Variants in NCAPD3 observed in about 807,000 individuals in gnomAD.
NCAPD3 encodes the protein non-SMC condensin II complex subunit D3.
NCAPD3 carries 105 observed loss-of-function variants against 182.9 expected under a neutral mutation model. The ratio of observed to expected loss-of-function variants is 0.57; its 90% CI spans 0.49 to 0.68. The LOEUF (loss-of-function observed/expected upper bound fraction) is 0.68, where lower values mean the gene tolerates loss of function less well. Ranked by LOEUF, NCAPD3 falls within the 30% of genes least tolerant of loss-of-function variation. NCAPD3 has a pLI of 0.00. For synonymous variants in NCAPD3, 815 were observed against 679.9 expected, an observed-to-expected ratio of 1.20 and a Z score of -3.09; for missense variants, 1,944 against 1,837.0, an observed-to-expected ratio of 1.06 and a Z score of -1.07.
chr11:134,161,197 T>C (rs1440235975), intron 28 of NCAPD3, among the ~76,000 whole-genome samples: 1 of 152,132 alleles, frequency 6.6e-6, no homozygotes, highest in Non-Finnish European at 1.5e-5. Flanking sequence ...AGAAAAACTA[T>C]GTTGCATTTA....
rs758113060 is a variant in NCAPD3 at position 134,181,116 on chromosome 11, G to C, written c.2520C>G (p.Leu840=). ...CCATATTCCCTGTTCCATTCTCCTT[G>C]AGAACGATGTTGGAGAGGCGGTGCT... ...TCEHRLSNIV[L]KENGTGNMDE... Residue 840 remains leucine (L), a synonymous_variant, in exon 20 of 35, where the codon CTC becomes CTG. Coordinates refer to ENST00000534548, the MANE Select transcript of NCAPD3 (RefSeq NM_015261.3). 1.9e-6 allele frequency: 3 copies of C among 1,614,116 alleles called. No individual in the cohort carries two copies. Among genetic ancestry groups the C allele is most frequent in the Admixed American group, 1.7e-5 (1 of 60,026 alleles).
At chr11:134,164,398 G>A (rs1187267826) in intron 27 of NCAPD3, among the ~76,000 whole-genome samples, 3 of 152,254 alleles carry the variant, frequency 2.0e-5, no homozygotes, top group South Asian at 2.1e-4. Flanking sequence ...AGGCTCATGA[G>A]AAATGCTGGA....
chr11:134,202,960 C>G (rs945226342), intron 12 of NCAPD3, 55 bp from the exon 13 acceptor site: 9 of 1,397,670 alleles, frequency 6.4e-6, no homozygotes, highest in Non-Finnish European at 8.0e-6. Flanking sequence ...CTTTTAATAA[C>G]ATTAGCAGGG....
At chr11:134,180,990 T>G (rs1368162049) in intron 20 of NCAPD3, 87 bp downstream of exon 20, 6 of 948,052 alleles carry the variant, frequency 6.3e-6, no homozygotes, top group Non-Finnish European at 9.9e-6. Context: ...TAAAAGCATT[T>G]AAAGCGTACA....
chr11:134,159,012 T>C (rs1241581458), intron 29 of NCAPD3, among the ~76,000 whole-genome samples: 1 of 152,244 alleles, frequency 6.6e-6, no homozygotes, highest in African/African-American at 2.4e-5. Flanking sequence ...TTTCACTTTT[T>C]ATAGATGAAA....
At chr11:134,172,251 G>C (rs2135966148) in intron 24 of NCAPD3, among the ~76,000 whole-genome samples, 1 of 152,290 alleles carries the variant, frequency 6.6e-6, no homozygotes, top group Non-Finnish European at 1.5e-5. Flanking sequence ...ATGCAGATGA[G>C]CTACTGAATG....
chr11:134,205,402 T>A (rs1472256135), intron 8 of NCAPD3, among the ~76,000 whole-genome samples: 1 of 150,796 alleles, frequency 6.6e-6, no homozygotes, highest in Non-Finnish European at 1.5e-5. Context: ...TTTTTGTAGA[T>A]GGAGTTTTGC....
chr11:134,168,195 G>A lies in NCAPD3; in HGVS notation c.3374C>T (p.Ala1125Val), dbSNP rs763601693. ...GGGTAGGATGCCATCAGCAAAGCAC[G>A]CTGAGAGACAGAGAGAGAGAAAAAC... ...ITSKICLSILACFADGILPLD... is the reference protein window; with the variant it reads ...ITSKICLSILVCFADGILPLD... The change falls in exon 27 of 35, where the codon GCG becomes GTG. Residue 1125 changes from alanine (A) to valine (V), a missense_variant and splice_region_variant. By Grantham distance (64) the Ala-to-Val change is moderately conservative. Around this residue, in one of 3 missense-constraint regions of NCAPD3, gnomAD observed 1,803 missense variants for 1,674.6 expected, o/e 1.08. Transcript: ENST00000534548. The A allele has an allele frequency of 2.2e-5, 36 of 1,613,166 alleles. No individual in the cohort carries two copies. The highest frequency in any genetic ancestry group is 1.1e-4 in the South Asian group (10 of 91,062).
At chr11:134,169,959 G>A (rs1292948308) in intron 24 of NCAPD3, among the ~76,000 whole-genome samples, 3 of 152,220 alleles carry the variant, frequency 2.0e-5, no homozygotes, top group Admixed American at 6.5e-5. Context: ...TGGGAGAGGA[G>A]CAGTGTCAAA....
At chr11:134,217,304 T>C (rs1938065129) in intron 2 of NCAPD3, among the ~76,000 whole-genome samples, 1 of 152,200 alleles carries the variant, frequency 6.6e-6, no homozygotes, top group Non-Finnish European at 1.5e-5. Flanking sequence ...AAGATAAATA[T>C]GTATATAACA....
At chr11:134,167,035 G>T (rs1198025707) in intron 27 of NCAPD3, among the ~76,000 whole-genome samples, 1 of 111,178 alleles carries the variant, frequency 9.0e-6, no homozygotes, top group Non-Finnish European at 1.8e-5. Context: ...GATGAGCTTG[G>T]GGGAGCTGCA....
Position 134,152,934 on chromosome 11 carries a change from G to A in NCAPD3, c.*10C>T, listed in dbSNP as rs893454963. Reference sequence around the variant, plus strand: ...CTCCTGCCTGCCTGGACACTGGTGGGAGGCGCTGTTTAGTTGGCTGTTTTC... The same window carrying A: ...CTCCTGCCTGCCTGGACACTGGTGGAAGGCGCTGTTTAGTTGGCTGTTTTC... On this transcript the variant is annotated 3_prime_UTR_variant, in exon 35 of 35. Transcript: ENST00000534548. 4 of 1,530,102 alleles carry A rather than the reference G, an allele frequency of 2.6e-6. No individual in the cohort carries two copies. Among genetic ancestry groups the A allele is most frequent in the African/African-American group, 1.4e-5 (1 of 72,176 alleles). The allele number at this position is 1,530,102 out of a possible 1,614,324, so 94.8% of individuals were successfully genotyped here.
rs894509765 is a variant in NCAPD3 at position 134,152,980 on chromosome 11, C to A, written c.4461G>T (p.Arg1487Ser). ...RNKDTPACSRRSLRKTPLKTA... is the reference protein window; with the variant it reads ...RNKDTPACSRSSLRKTPLKTA... ...TTTTCAGAGGGGTCTTTCGGAGGGA[C>A]CTCCTGCTGCAGGCTGGAGTGTCTT... The change falls in exon 35 of 35, where the codon AGG becomes AGT. Residue 1487 changes from arginine (R) to serine (S), a missense_variant. Around this residue, in one of 3 missense-constraint regions of NCAPD3, gnomAD observed 1,803 missense variants for 1,674.6 expected, o/e 1.08. Transcript: ENST00000534548. 7.6e-6 allele frequency: 12 copies of A among 1,575,902 alleles called. No homozygotes were observed. The highest frequency in any genetic ancestry group is 4.7e-5 in the South Asian group (4 of 84,376).
chr11:134,217,098 T>C lies in NCAPD3; in HGVS notation c.220A>G (p.Ser74Gly). 1 of 1,580,420 alleles carries C rather than the reference T, an allele frequency of 6.3e-7. No individual in the cohort carries two copies. Among genetic ancestry groups the C allele is most frequent in the Non-Finnish European group, 8.6e-7 (1 of 1,166,244 alleles). The change falls in exon 3 of 35, where the codon AGT (serine) becomes GGT (glycine). Residue 74 changes from serine (S) to glycine (G), a missense_variant and splice_region_variant. Ser to Gly is a moderately conservative substitution (Grantham distance 56). Transcript: ENST00000534548. ...TTCTCAATGAAGAAGGTCCAGATAC[T>C]CTGTGGGGAGACCGCAAATCACAAA... ...FATGEHGSME[S>G]IWTFFIENNV... is the part of the protein sequence containing the mutation.
At chr11:134,161,239 T>G (rs1453231587) in intron 28 of NCAPD3, among the ~76,000 whole-genome samples, 1 of 152,180 alleles carries the variant, frequency 6.6e-6, no homozygotes, top group Admixed American at 6.5e-5. Flanking sequence ...AAGAAAGGTC[T>G]GAGGCCCCAC....
chr11:134,155,731 T>G (rs941682607), intron 32 of NCAPD3, among the ~76,000 whole-genome samples: 4 of 152,098 alleles, frequency 2.6e-5, no homozygotes, highest in Non-Finnish European at 5.9e-5. Flanking sequence ...CTCTTGGCAC[T>G]CCTGAGCCAG....
intron 1 of NCAPD3, among the ~76,000 whole-genome samples, chr11:134,222,508 A>AT (rs1395918976): frequency 1.3e-5 from 2 of 152,262 alleles, no homozygotes; most frequent in Non-Finnish European, 2.9e-5. Context: ...CTCCTTCATC[A>AT]TTGGAAATAC....
At position 134,150,852 on chromosome 11, in the gene NCAPD3, G is replaced by GCCTTTT; in HGVS notation, c.*2091_*2092insAAAAGG. 4 of 152,140 alleles carry GCCTTTT rather than the reference G, an allele frequency of 2.6e-5. No individual in the cohort carries two copies. In the South Asian group the frequency reaches 8.3e-4, roughly 32 times the overall value. The allele number at this position is 152,140 out of a possible 1,614,324, so 9.4% of individuals were successfully genotyped here. A position where few individuals can be genotyped will look rare whatever the true frequency, so the allele number is the denominator to read the frequency against. The stretch of plus-strand genomic sequence containing the variant: ...GTGGCGGCCAGTCCAGCCTTTTAAA[G>GCCTTTT]AACGTCAGGTGGAGCAGCCAGGTGA... On this transcript the variant is annotated 3_prime_UTR_variant, in exon 35 of 35. Transcript: ENST00000534548.
chr11:134,209,245 A>G (rs768024202), intron 5 of NCAPD3, 39 bp from the exon 6 acceptor site: 1 of 1,608,370 alleles, frequency 6.2e-7, no homozygotes, highest in African/African-American at 1.3e-5. Flanking sequence ...GATTTTTTCT[A>G]CTGATCAGGT....
Sources: gnomAD v4.1 joint callset for allele counts (sites outside exome capture counted in the v4.1 genomes callset) on GRCh38, gnomAD v4.1.1 for gene constraint, gnomAD v4.1.1 regional missense constraint, MANE v1.5 for transcripts, NCBI Gene and HGNC (gene_info 2026-07-23, HGNC 2026-07-21) for gene names.